FAM227A: variants seen among roughly 807,000 people sequenced by gnomAD.
FAM227A encodes protein FAM227A.
In FAM227A, 80 loss-of-function variants were observed where a neutral mutation model predicts 74.7. That is an observed-to-expected ratio of 1.07 (90% CI 0.89 to 1.29). FAM227A has a LOEUF of 1.29. Among genes scored for constraint, FAM227A ranks in the 50% most tolerant of loss-of-function variants. The probability of loss-of-function intolerance (pLI) is 0.00; values close to 1 mark genes in which losing one functional copy is unlikely to be tolerated. For synonymous variants in FAM227A, 237 were observed against 241.8 expected (o/e 0.98, Z 0.19); for missense variants, 654 against 683.4 (o/e 0.96, Z 0.48).
chr22:38,586,282 G>A (rs767749870), intron 16 of FAM227A, 83 bp from the exon 17 acceptor site: 16 of 1,411,416 alleles, frequency 1.1e-5, no homozygotes, highest in Admixed American at 2.1e-5. Context: ...GAGCAGTGGC[G>A]TGGCCAGTGG....
intron 11 of FAM227A, among the ~76,000 whole-genome samples, chr22:38,613,248 A>AACATATAT (rs2091477655): frequency 1.2e-5 from 1 of 82,550 alleles, no homozygotes; most frequent in African/African-American, 5.2e-5. Flanking sequence ...AATATATAAT[A>AACATATAT]TATAACATAT....
At chr22:38,592,035 G>A (rs754081552) in intron 15 of FAM227A, among the ~76,000 whole-genome samples, 21 of 150,824 alleles carry the variant, frequency 1.4e-4, no homozygotes, top group Non-Finnish European at 3.1e-4. Context: ...TGCAACTTCC[G>A]CCTCCTGGGT....
chr22:38,613,125 A>T (rs1273184545), intron 11 of FAM227A, among the ~76,000 whole-genome samples: 1 of 91,798 alleles, frequency 1.1e-5, no homozygotes, highest in African/African-American at 4.7e-5. Context: ...ATTATATATA[A>T]TTATATATAT....
intron 2 of FAM227A, among the ~76,000 whole-genome samples, chr22:38,646,248 C>CTTTTT (rs1165890437): frequency 0.012 from 967 of 82,388 alleles, 113 homozygotes; most frequent in African/African-American, 0.023. Context: ...TCCAGTATTT[C>CTTTTT]TTTTTTTTTT....
chr22:38,644,271 T>C (rs957123354), intron 3 of FAM227A, among the ~76,000 whole-genome samples: 3 of 150,790 alleles, frequency 2.0e-5, no homozygotes, highest in Non-Finnish European at 4.4e-5. Context: ...AAGGTAAAAC[T>C]GGGGAGAGTA....
At chr22:38,648,984 AAG>A (rs1203496101) in intron 2 of FAM227A, among the ~76,000 whole-genome samples, 1 of 151,724 alleles carries the variant, frequency 6.6e-6, no homozygotes, top group East Asian at 1.9e-4. Context: ...AAAAAAAAAA[AAG>A]AAAAAGCTGG....
intron 15 of FAM227A, among the ~76,000 whole-genome samples, chr22:38,592,077 T>C (rs2090950552): frequency 6.6e-6 from 1 of 151,712 alleles, no homozygotes; most frequent in South Asian, 2.1e-4. Context: ...GCCTCCCGAG[T>C]AGCTGGGATT....
At chr22:38,613,065 AAATAT>A (rs1425050523) in intron 11 of FAM227A, among the ~76,000 whole-genome samples, 6 of 107,158 alleles carry the variant, frequency 5.6e-5, no homozygotes, top group South Asian at 4.8e-4. Flanking sequence ...ATATATATGT[AAATAT>A]ATTATATATA....
intron 11 of FAM227A, among the ~76,000 whole-genome samples, chr22:38,609,606 T>C (rs1569203196): frequency 2.6e-5 from 4 of 152,152 alleles, no homozygotes; most frequent in South Asian, 2.1e-4. Flanking sequence ...CGTTTGCTTT[T>C]ATAGAAATGG....
chr22:38,615,921 TTC>T (rs1402775059), intron 11 of FAM227A, among the ~76,000 whole-genome samples: 59 of 151,994 alleles, frequency 3.9e-4, no homozygotes, highest in African/African-American at 1.4e-3. Flanking sequence ...TGGATTGAGG[TTC>T]CTCAAATCCT....
At position 38,595,896 on chromosome 22, in the gene FAM227A, A is replaced by T. The variant is rs140263821; in HGVS notation, c.1532+1308T>A. On this transcript the variant is annotated intron_variant, in intron 15 of 16. Coordinates refer to ENST00000535113, the MANE Select transcript of FAM227A (RefSeq NM_001013647.2). ...TTGGAACAAATTCAATGCTACTTTG[A>T]GGAAATATCAGAAAAACCCAGAATG... 5.0e-3 allele frequency among the ~76,000 whole-genome samples: 755 copies of T among 151,226 alleles called. 4 individuals carry two copies. The highest frequency in any genetic ancestry group is 0.048 in the Middle Eastern group (14 of 292).
chr22:38,642,918 AGAGT>A (rs2092146899), intron 3 of FAM227A, among the ~76,000 whole-genome samples: 1 of 152,178 alleles, frequency 6.6e-6, no homozygotes, highest in Non-Finnish European at 1.5e-5. Context: ...CCTGGGTGAC[AGAGT>A]GAGACTCCGT....
At position 38,581,979 on chromosome 22, in the gene FAM227A, G is replaced by A. The variant is rs1161727300; in HGVS notation, c.*4146C>T. The A allele has an allele frequency of 5.1e-6, 1 of 195,544 alleles. No homozygotes were observed. Among genetic ancestry groups the A allele is most frequent in the Non-Finnish European group, 1.0e-5 (1 of 96,374 alleles). 12.1% of individuals were successfully genotyped at this position (195,544 alleles called of 1,614,324 possible). Reference sequence around the variant, plus strand: ...TTTGGTCTCAAACTCCTGGCCTCAAGCAATCCTCTTGCCTTGGCCTTCCAA... The same window carrying A: ...TTTGGTCTCAAACTCCTGGCCTCAAACAATCCTCTTGCCTTGGCCTTCCAA... On this transcript the variant is annotated 3_prime_UTR_variant, in exon 17 of 17. Transcript: ENST00000535113.
rs560488688 is a variant in FAM227A at position 38,592,478 on chromosome 22, G to A, written c.1533-938C>T. Among the ~76,000 whole-genome samples, 36 of 152,238 alleles carry A rather than the reference G, an allele frequency of 2.4e-4. No homozygotes were observed. The South Asian group carries it at 7.5e-3, about 32-fold the overall frequency. ...TAGTTCTGAACTTTAAAACGTTCTG[G>A]CCATGGAATGGAAGGGTTATTTGCA... On this transcript the variant is annotated intron_variant, in intron 15 of 16. Coordinates refer to ENST00000535113, the MANE Select transcript of FAM227A (RefSeq NM_001013647.2).
intron 14 of FAM227A, among the ~76,000 whole-genome samples, chr22:38,598,465 G>A (rs1009396539): frequency 6.6e-6 from 1 of 152,294 alleles, no homozygotes; most frequent in South Asian, 2.1e-4. Flanking sequence ...ACTGTCTTTA[G>A]AGAACAATGA....
intron 14 of FAM227A, among the ~76,000 whole-genome samples, chr22:38,599,187 C>G (rs1355049997): frequency 6.6e-6 from 1 of 152,030 alleles, no homozygotes; most frequent in Non-Finnish European, 1.5e-5. Flanking sequence ...GTCTCAAACT[C>G]CTTACCTCAG....
chr22:38,640,953 A>C (rs747568491), intron 3 of FAM227A, among the ~76,000 whole-genome samples: 2 of 152,032 alleles, frequency 1.3e-5, no homozygotes, highest in African/African-American at 2.4e-5. Flanking sequence ...GGGTTAGTCT[A>C]TGTATTAACA....
At chr22:38,630,985 TG>T (rs1398744275) in intron 6 of FAM227A, among the ~76,000 whole-genome samples, 1 of 152,132 alleles carries the variant, frequency 6.6e-6, no homozygotes, top group Non-Finnish European at 1.5e-5. Flanking sequence ...CTGGCCAACG[TG>T]GTGAAACCCT....
At chr22:38,647,657 T>G (rs1268662198) in intron 2 of FAM227A, among the ~76,000 whole-genome samples, 1 of 152,094 alleles carries the variant, frequency 6.6e-6, no homozygotes, top group African/African-American at 2.4e-5. Context: ...CCCTCTCAGC[T>G]TTTATATTTC....
Sources: allele counts gnomAD v4.1 joint callset (sites outside exome capture counted in the v4.1 genomes callset), GRCh38; gene constraint gnomAD v4.1.1; transcripts MANE v1.5; gene names NCBI Gene and HGNC (gene_info 2026-07-23, HGNC 2026-07-21).